Variants in RAPGEF1 observed in about 807,000 individuals in gnomAD.
The protein encoded by RAPGEF1 is CRK SH3-binding GNRP.
Under a neutral mutation model 143.3 loss-of-function variants are expected in RAPGEF1, and 33 were observed. The ratio of observed to expected loss-of-function variants is 0.23; its 90% confidence interval spans 0.17 to 0.31. RAPGEF1 has a LOEUF of 0.31. Ranked by LOEUF, RAPGEF1 falls within the 10% of genes least tolerant of loss-of-function variation. The probability of loss-of-function intolerance (pLI) is 1.00; values close to 1 mark genes in which losing one functional copy is unlikely to be tolerated. For synonymous variants in RAPGEF1, 629 were observed against 676.5 expected, an observed-to-expected ratio of 0.93 and a Z score of 1.09; for missense variants, 1,199 against 1,645.4, an observed-to-expected ratio of 0.73 and a Z score of 4.69.
At chr9:131,600,987 C>G (rs1456585320) in intron 15 of RAPGEF1, among the ~76,000 whole-genome samples, 3 of 152,124 alleles carry the variant, frequency 2.0e-5, no homozygotes, top group African/African-American at 7.2e-5. Context: ...AACCCCGTCT[C>G]TACTAAAAAT....
intron 25 of RAPGEF1, 138 bp downstream of exon 25, chr9:131,582,467 C>T (rs1952020036): frequency 1.8e-6 from 1 of 548,184 alleles, no homozygotes; most frequent in Non-Finnish European, 3.1e-6. Context: ...TTACAAGAAC[C>T]TTAAGTAAAA....
intron 1 of RAPGEF1, among the ~76,000 whole-genome samples, chr9:131,733,679 G>A (rs1023505419): frequency 2.0e-5 from 3 of 152,182 alleles, no homozygotes; most frequent in Non-Finnish European, 4.4e-5. Context: ...GCGGCGAGGC[G>A]GCCGCGGGGT....
intron 14 of RAPGEF1, 30 bp downstream of exon 14, chr9:131,603,931 A>T (rs1956687898): frequency 7.9e-7 from 1 of 1,266,618 alleles, no homozygotes; most frequent in African/African-American, 1.5e-5. Context: ...AGGCCAGGCC[A>T]CATGCAGGAG....
chr9:131,639,573 C>T (rs1340534549), intron 4 of RAPGEF1, among the ~76,000 whole-genome samples: 4 of 152,028 alleles, frequency 2.6e-5, no homozygotes, highest in Admixed American at 1.3e-4. Flanking sequence ...AGAATTTTTA[C>T]ATCTTTCACG....
In RAPGEF1 at chr9:131,622,436, C is replaced by T. The variant is rs147281611; in HGVS notation, c.1703-438G>A. On this transcript the variant is annotated intron_variant, in intron 10 of 26. Coordinates refer to ENST00000683357, the MANE Select transcript of RAPGEF1 (RefSeq NM_001377935.1). ...CTTCAAATAAGCACAAAGCCAGAGG[C>T]TTCTCTGCAAACCCCAACTAGTCAA... Among the ~76,000 whole-genome samples, 13 of 152,314 alleles carry T rather than the reference C, an allele frequency of 8.5e-5. No individual in the cohort carries two copies. In the East Asian group the frequency reaches 2.3e-3, roughly 27 times the overall value.
At chr9:131,653,819 G>A (rs978438502) in intron 1 of RAPGEF1, among the ~76,000 whole-genome samples, 1 of 152,158 alleles carries the variant, frequency 6.6e-6, no homozygotes, top group Non-Finnish European at 1.5e-5. Flanking sequence ...ACTTGTACAG[G>A]TAAGTCAAAG....
At chr9:131,622,102 C>G in intron 10 of RAPGEF1, 104 bp from the exon 11 acceptor site, 2 of 1,142,166 alleles carry the variant, frequency 1.8e-6, no homozygotes, top group Non-Finnish European at 1.3e-6. Flanking sequence ...CCACTGAAAG[C>G]ACCTCAGAGA....
chr9:131,735,927 G>A (rs1489913460), intron 1 of RAPGEF1, among the ~76,000 whole-genome samples: 1 of 152,040 alleles, frequency 6.6e-6, no homozygotes, highest in Non-Finnish European at 1.5e-5. Context: ...AAGAACACGT[G>A]CGGATCCAAC....
intron 1 of RAPGEF1, among the ~76,000 whole-genome samples, chr9:131,705,197 C>A (rs1342405084): frequency 6.6e-6 from 1 of 152,150 alleles, no homozygotes; most frequent in Non-Finnish European, 1.5e-5. Context: ...CAGGAACCAC[C>A]ATGCCCTGCA....
chr9:131,650,160 C>T lies in RAPGEF1; in HGVS notation c.284G>A (p.Ser95Asn), dbSNP rs1970717810. The change falls in exon 3 of 27, where the codon AGT becomes AAT. Residue 95 changes from serine to asparagine, a missense_variant. By Grantham distance (46) the Ser-to-Asn change is conservative. Around this residue, in one of 6 missense-constraint regions of RAPGEF1, gnomAD observed 613 missense variants for 710.9 expected, o/e 0.86. Coordinates refer to ENST00000683357, the MANE Select transcript of RAPGEF1 (RefSeq NM_001377935.1). The surrounding 1 kb of genome is among the most constrained non-coding windows in gnomAD (Gnocchi z 4.7). ...CCTTTGAGACCTGGAAGCCACAGCA[C>T]TGGTGGACATAAATTCTACTGCCTG... The part of the protein sequence containing the change: ...EQQAVEFMST[S>N]AVASRSQRQK... The T allele has an allele frequency of 6.2e-7, 1 of 1,613,766 alleles. No homozygotes were observed. Among genetic ancestry groups the T allele is most frequent in the Admixed American group, 1.7e-5 (1 of 59,986 alleles).
intron 1 of RAPGEF1, among the ~76,000 whole-genome samples, chr9:131,688,201 T>C (rs1833505976): frequency 6.6e-6 from 1 of 152,208 alleles, no homozygotes; most frequent in South Asian, 2.1e-4. Context: ...AGGTGGAGAA[T>C]TGTCCCTCCA....
At chr9:131,588,119 A>AGCCTCTCTGCCCAGCAGGAGC (rs1953501393) in intron 20 of RAPGEF1, 93 bp from the exon 21 acceptor site, 2 of 1,095,998 alleles carry the variant, frequency 1.8e-6, no homozygotes, top group East Asian at 5.1e-5. Context: ...AGAGCAGGAG[A>AGCCTCTCTGCCCAGCAGGAGC]GCCTCTCTGC....
chr9:131,601,941 A>C, intron 15 of RAPGEF1, 120 bp downstream of exon 15: 85 of 675,440 alleles, frequency 1.3e-4, no homozygotes, highest in East Asian at 3.1e-4. Flanking sequence ...GAAAGAAGGA[A>C]GAGTTTCAAC....
chr9:131,586,280 ACAC>A (rs1454861279), intron 22 of RAPGEF1, among the ~76,000 whole-genome samples: 1 of 143,010 alleles, frequency 7.0e-6, no homozygotes, highest in East Asian at 2.0e-4. Context: ...ACACACACAC[ACAC>A]ACCTGCAGAG....
At chr9:131,648,725 T>C (rs1261439811) in intron 3 of RAPGEF1, among the ~76,000 whole-genome samples, 1 of 152,244 alleles carries the variant, frequency 6.6e-6, no homozygotes, top group Non-Finnish European at 1.5e-5. Context: ...TCAGTCACCT[T>C]TCGTTAAAAG....
At position 131,583,051 on chromosome 9, in the gene RAPGEF1, A is replaced by AG. The variant is rs1202163323; in HGVS notation, c.3415-350dup. On this transcript the variant is annotated intron_variant, in intron 24 of 26. Coordinates refer to ENST00000683357, the MANE Select transcript of RAPGEF1 (RefSeq NM_001377935.1). This position sits in a 1 kb window ranked among gnomAD's most constrained non-coding sequence, Gnocchi z 4.7. ...TGGCCCTGTTCGGCGGTGCAGCCAG[A>AG]GGAGCTTCCCAGGCACACACTGAGT... 6.6e-6 allele frequency among the ~76,000 whole-genome samples: 1 copy of AG among 152,188 alleles called. No homozygotes were observed. Among genetic ancestry groups the AG allele is most frequent in the Non-Finnish European group, 1.5e-5 (1 of 68,018 alleles).
At position 131,697,505 on chromosome 9, in the gene RAPGEF1, A is replaced by G. The variant is rs555507532; in HGVS notation, c.61+42265T>C. 5.3e-5 allele frequency among the ~76,000 whole-genome samples: 8 copies of G among 152,316 alleles called. 1 individual carries two copies. Among genetic ancestry groups the G allele is most frequent in the African/African-American group, 1.9e-4 (8 of 41,572 alleles). ...GCTTGAATTAGGAGAGGGCAGAGAGAAGGCTGCAGCTCTTGCAGCAAAATG... is the reference window on the plus strand; with the variant it reads ...GCTTGAATTAGGAGAGGGCAGAGAGGAGGCTGCAGCTCTTGCAGCAAAATG... On this transcript the variant is annotated intron_variant, in intron 1 of 26. Transcript: ENST00000683357.
chr9:131,658,612 G>T (rs982940808), intron 1 of RAPGEF1, among the ~76,000 whole-genome samples: 2 of 152,092 alleles, frequency 1.3e-5, no homozygotes, highest in African/African-American at 4.8e-5. Context: ...GGCAACCATC[G>T]CAGGCTACAG....
At chr9:131,603,564 G>A (rs1179168985) in intron 14 of RAPGEF1, among the ~76,000 whole-genome samples, 1 of 152,264 alleles carries the variant, frequency 6.6e-6, no homozygotes, top group African/African-American at 2.4e-5. Context: ...GGTCTGAAAG[G>A]CCCTATGGGA....
Sources: allele counts gnomAD v4.1 joint callset (sites outside exome capture counted in the v4.1 genomes callset), GRCh38; gene constraint gnomAD v4.1.1; regional missense constraint gnomAD v4.1.1; non-coding constraint Gnocchi (gnomAD v3.1); transcripts MANE v1.5; gene names NCBI Gene and HGNC (gene_info 2026-07-23, HGNC 2026-07-21).